Variants in SUSD6 observed in about 807,000 individuals in gnomAD.
SUSD6 encodes sushi domain-containing protein 6.
SUSD6 carries 16 observed loss-of-function variants against 28.4 expected under a neutral mutation model. That is an observed-to-expected ratio of 0.56 (90% CI 0.38 to 0.86). The LOEUF is 0.86. Ranked by LOEUF, SUSD6 falls within the 40% of genes least tolerant of loss-of-function variation. SUSD6 has a pLI of 0.00. For missense variants in SUSD6, 341 were observed against 384.2 expected (o/e 0.89, Z 0.94); for synonymous variants, 147 against 159.6 (o/e 0.92, Z 0.59).
chr14:69,653,358 G>A (rs1248125063), intron 1 of SUSD6, among the ~76,000 whole-genome samples: 1 of 152,338 alleles, frequency 6.6e-6, no homozygotes, highest in East Asian at 1.9e-4. Context: ...AGGAAAGCCG[G>A]CTATTGGGGT....
At chr14:69,654,975 A>G (rs907277609) in intron 1 of SUSD6, among the ~76,000 whole-genome samples, 1 of 152,056 alleles carries the variant, frequency 6.6e-6, no homozygotes, top group Non-Finnish European at 1.5e-5. Flanking sequence ...TTGTATATCT[A>G]GTAGAGACGG....
At chr14:69,688,676 A>G (rs1886110645) in intron 2 of SUSD6, among the ~76,000 whole-genome samples, 1 of 152,160 alleles carries the variant, frequency 6.6e-6, no homozygotes, top group Admixed American at 6.5e-5. Context: ...AAAACTCGCA[A>G]TGGATTTTCC....
rs79099649 is a variant in SUSD6, at chr14:69,696,215, A to G, written c.122-7180A>G. 2.6e-3 allele frequency among the ~76,000 whole-genome samples: 398 copies of G among 152,346 alleles called. 1 individual carries two copies. Among genetic ancestry groups the G allele is most frequent in the African/African-American group, 8.7e-3 (363 of 41,570 alleles). On this transcript the variant is annotated intron_variant, in intron 2 of 5. Transcript: ENST00000342745. Reference sequence around the variant, plus strand: ...GTTCCTGGTGAATCCAGCCCTGCCAATTACAAATGTGTGGCTTGAGGCAGA... The same window carrying G: ...GTTCCTGGTGAATCCAGCCCTGCCAGTTACAAATGTGTGGCTTGAGGCAGA...
intron 2 of SUSD6, among the ~76,000 whole-genome samples, chr14:69,689,009 G>A (rs79178588): frequency 1.4e-4 from 21 of 152,178 alleles, no homozygotes; most frequent in East Asian, 7.7e-4. Context: ...TAACTTCTCC[G>A]TACACATACC....
intron 1 of SUSD6, among the ~76,000 whole-genome samples, chr14:69,642,312 A>C (rs10138481): frequency 0.12 from 17,850 of 152,144 alleles, 2,346 homozygotes; most frequent in African/African-American, 0.32. Flanking sequence ...GGAGGCAAAA[A>C]CCTTCTGAAG....
chr14:69,622,493 C>T (rs1340780252), intron 1 of SUSD6, among the ~76,000 whole-genome samples: 1 of 152,180 alleles, frequency 6.6e-6, no homozygotes, highest in Non-Finnish European at 1.5e-5. Flanking sequence ...CTCTTCTCCT[C>T]ATAGATTTCA....
intron 2 of SUSD6, among the ~76,000 whole-genome samples, chr14:69,683,124 A>T (rs978953933): frequency 1.3e-5 from 2 of 152,038 alleles, no homozygotes; most frequent in Non-Finnish European, 2.9e-5. Context: ...TCATGCTTTG[A>T]TGTGAGCTGA....
At chr14:69,676,606 G>A (rs1171999446) in intron 2 of SUSD6, among the ~76,000 whole-genome samples, 1 of 152,142 alleles carries the variant, frequency 6.6e-6, no homozygotes, top group Non-Finnish European at 1.5e-5. Context: ...TGTTGCCCAG[G>A]TGGGTCTTGA....
intron 2 of SUSD6, among the ~76,000 whole-genome samples, chr14:69,692,122 G>A (rs1886162944): frequency 6.6e-6 from 1 of 151,696 alleles, no homozygotes; most frequent in African/African-American, 2.4e-5. Context: ...TGCTGTCTGT[G>A]ATCCTTAAAT....
chr14:69,687,688 ATC>A (rs887374594), intron 2 of SUSD6, among the ~76,000 whole-genome samples: 79 of 152,246 alleles, frequency 5.2e-4, no homozygotes, highest in African/African-American at 1.6e-3. Flanking sequence ...ATAGAGAAAA[ATC>A]TCTCTAATTA....
chr14:69,697,224 C>T (rs1886238616), intron 2 of SUSD6, among the ~76,000 whole-genome samples: 1 of 152,176 alleles, frequency 6.6e-6, no homozygotes, highest in Admixed American at 6.5e-5. Context: ...CCGGAGGTCA[C>T]TTTCGTCACC....
intron 1 of SUSD6, among the ~76,000 whole-genome samples, chr14:69,630,866 A>C (rs936261027): frequency 6.6e-6 from 1 of 152,244 alleles, no homozygotes; most frequent in African/African-American, 2.4e-5. Flanking sequence ...GGTCAAGCGT[A>C]CATGCTGATC....
In SUSD6 at chr14:69,711,701, TGTTGA is replaced by T. The variant is rs1489530655; in HGVS notation, c.*729_*733del. On this transcript the variant is annotated 3_prime_UTR_variant, in exon 6 of 6. Coordinates refer to ENST00000342745, the MANE Select transcript of SUSD6 (RefSeq NM_014734.4). ...GCCCAAAGGCACAAGCTCCTGGCCC[TGTTGA>T]GTTGAGAGTTTCCAAGAAGCATCCA... 2.6e-5 allele frequency: 4 copies of T among 152,282 alleles called. No individual in the cohort carries two copies. Among genetic ancestry groups the T allele is most frequent in the Admixed American group, 2.0e-4 (3 of 15,282 alleles). 9.4% of individuals were successfully genotyped at this position (152,282 alleles called of 1,614,324 possible).
intron 1 of SUSD6, among the ~76,000 whole-genome samples, chr14:69,620,953 G>T (rs1885029175): frequency 6.6e-6 from 1 of 152,182 alleles, no homozygotes; most frequent in East Asian, 1.9e-4. Context: ...CTCAATTTTA[G>T]ATAGAAATGT....
chr14:69,623,770 G>GT (rs35800904), intron 1 of SUSD6, among the ~76,000 whole-genome samples: 5,806 of 152,114 alleles, frequency 0.038, 153 homozygotes, highest in Non-Finnish European at 0.06. Context: ...TTGTGTCTTA[G>GT]TTTTTTAACA....
chr14:69,654,965 T>C (rs1262453665), intron 1 of SUSD6, among the ~76,000 whole-genome samples: 2 of 152,140 alleles, frequency 1.3e-5, no homozygotes, highest in East Asian at 3.9e-4. Context: ...TGGCTAATTT[T>C]TGTATATCTA....
chr14:69,663,940 C>A (rs933832225), intron 2 of SUSD6, among the ~76,000 whole-genome samples: 10 of 151,082 alleles, frequency 6.6e-5, no homozygotes, highest in Non-Finnish European at 1.0e-4. Context: ...ATACAAGAGT[C>A]ATCTCTGGGT....
intron 1 of SUSD6, among the ~76,000 whole-genome samples, chr14:69,614,545 A>G (rs960772504): frequency 4.6e-5 from 7 of 152,206 alleles, no homozygotes; most frequent in African/African-American, 1.7e-4. Flanking sequence ...GTTTATTGCT[A>G]CTAAGCATTG....
chr14:69,652,044 T>A (rs114214887), intron 1 of SUSD6, among the ~76,000 whole-genome samples: 2,051 of 152,304 alleles, frequency 0.013, 44 homozygotes, highest in African/African-American at 0.047. Context: ...AGGAATAAAC[T>A]CTGTTGTTCT....
Sources: allele counts gnomAD v4.1 joint callset (sites outside exome capture counted in the v4.1 genomes callset), GRCh38; gene constraint gnomAD v4.1.1; transcripts MANE v1.5; gene names NCBI Gene and HGNC (gene_info 2026-07-23, HGNC 2026-07-21).